Variants in ADAMTS12 observed in about 807,000 individuals in gnomAD.
ADAMTS12 encodes the protein ADAM metallopeptidase with thrombospondin type 1 motif 12, also known as A disintegrin and metalloproteinase with thrombospondin motifs 12.
A neutral mutation model predicts 167.8 loss-of-function variants in ADAMTS12; 118 were observed. The ratio of observed to expected loss-of-function variants is 0.70; its 90% CI spans 0.61 to 0.82. ADAMTS12 has a LOEUF of 0.82. ADAMTS12 is among the 40% of genes least tolerant of loss of function. The probability of loss-of-function intolerance (pLI) is 0.00; values close to 1 mark genes in which losing one functional copy is unlikely to be tolerated. For missense variants in ADAMTS12, 1,916 were observed against 1,998.8 expected, an observed-to-expected ratio of 0.96 and a Z score of 0.79; for synonymous variants, 704 against 716.9, an observed-to-expected ratio of 0.98 and a Z score of 0.29.
chr5:33,865,397 G>A (rs1169061071), intron 2 of ADAMTS12, among the ~76,000 whole-genome samples: 1 of 152,042 alleles, frequency 6.6e-6, no homozygotes, highest in Non-Finnish European at 1.5e-5. Context: ...TACAGAAAAA[G>A]CATTTGATAA....
chr5:33,808,012 G>A lies in ADAMTS12; in HGVS notation c.490-56464C>T, dbSNP rs562403449. Among the ~76,000 whole-genome samples the A allele has an allele frequency of 2.6e-4, 40 of 152,282 alleles. No homozygotes were observed. The South Asian group carries it at 4.6e-3, about 17-fold the overall frequency. On this transcript the variant is annotated intron_variant, in intron 2 of 23. Transcript: ENST00000504830. Reference sequence around the variant, plus strand: ...GAATGCGTGCAGGATGAAGTTAGCAGTAGAGGACACGGTGAAAATGAAGGA... The same window carrying A: ...GAATGCGTGCAGGATGAAGTTAGCAATAGAGGACACGGTGAAAATGAAGGA...
At chr5:33,623,083 AT>A (rs1456856776) in intron 14 of ADAMTS12, among the ~76,000 whole-genome samples, 2 of 152,218 alleles carry the variant, frequency 1.3e-5, no homozygotes, top group Non-Finnish European at 2.9e-5. Flanking sequence ...ACTGAAGAAC[AT>A]ACTTGATCCT....
At chr5:33,648,991 G>A in intron 8 of ADAMTS12, 25 bp from the exon 9 acceptor site, 11 of 1,611,678 alleles carry the variant, frequency 6.8e-6, no homozygotes, top group Non-Finnish European at 9.3e-6. Flanking sequence ...ACAGAAATGA[G>A]AGGAGTTGTT....
chr5:33,641,750 G>T, intron 11 of ADAMTS12, 60 bp downstream of exon 11: 1 of 1,462,906 alleles, frequency 6.8e-7, no homozygotes. Flanking sequence ...ATTCAAGACT[G>T]CCCCCCATCC....
intron 19 of ADAMTS12, among the ~76,000 whole-genome samples, chr5:33,574,190 G>A (rs1436494774): frequency 5.3e-5 from 8 of 151,754 alleles, no homozygotes; most frequent in African/African-American, 9.7e-5. Flanking sequence ...TCAGTGTGGC[G>A]ATTCCTCAGG....
Position 33,891,791 on chromosome 5 carries a change from C to T in ADAMTS12, c.66G>A (p.Gly22=). 6.2e-7 allele frequency: 1 copy of T among 1,614,216 alleles called. No homozygotes were observed. Among genetic ancestry groups the T allele is most frequent in the Non-Finnish European group, 8.5e-7 (1 of 1,180,042 alleles). ...LSVVAQLLNF[G]ALCYGRQPQP... Reference sequence around the variant, plus strand: ...GAGGCTGTCTCCCATAGCAAAGCGCCCCAAAGTTAAGGAGCTGAGCCACCA... The same window carrying T: ...GAGGCTGTCTCCCATAGCAAAGCGCTCCAAAGTTAAGGAGCTGAGCCACCA... Residue 22 remains glycine, a synonymous_variant, in exon 1 of 24, where the codon GGG becomes GGA. Transcript: ENST00000504830.
chr5:33,830,708 T>C (rs1258118913), intron 2 of ADAMTS12, among the ~76,000 whole-genome samples: 1 of 152,064 alleles, frequency 6.6e-6, no homozygotes, highest in Non-Finnish European at 1.5e-5. Flanking sequence ...GGGAGTGCTG[T>C]TTGAGCCCAG....
rs1310971810 is a variant in ADAMTS12 at position 33,699,309 on chromosome 5, A to T, written c.635-15254T>A. 2.0e-5 allele frequency among the ~76,000 whole-genome samples: 3 copies of T among 152,134 alleles called. No homozygotes were observed. The East Asian group carries it at 5.8e-4, about 29-fold the overall frequency. ...ACAAATGTGCAAAGCAATTCAAAGG[A>T]GAAAGGATGGTCTTCTCGACTAAGA... On this transcript the variant is annotated intron_variant, in intron 3 of 23. Coordinates refer to ENST00000504830, the MANE Select transcript of ADAMTS12 (RefSeq NM_030955.4).
chr5:33,664,399 A>C (rs1013334936), intron 5 of ADAMTS12, among the ~76,000 whole-genome samples: 9 of 152,326 alleles, frequency 5.9e-5, no homozygotes, highest in Non-Finnish European at 1.3e-4. Context: ...TGACAAAGGT[A>C]AAAAAGCAAT....
chr5:33,662,077 C>A (rs1228626106), intron 5 of ADAMTS12, 37 bp from the exon 6 acceptor site: 1 of 1,599,156 alleles, frequency 6.3e-7, no homozygotes, highest in East Asian at 2.2e-5. Context: ...CATGGGAGAG[C>A]TCACTGTGGT....
intron 2 of ADAMTS12, among the ~76,000 whole-genome samples, chr5:33,837,201 C>T (rs865784961): frequency 6.6e-6 from 1 of 152,110 alleles, no homozygotes; most frequent in Admixed American, 6.5e-5. Flanking sequence ...GGGCTGGGCC[C>T]GAGTAGGGGA....
At chr5:33,817,037 A>G (rs1311788315) in intron 2 of ADAMTS12, among the ~76,000 whole-genome samples, 1 of 152,176 alleles carries the variant, frequency 6.6e-6, no homozygotes, top group African/African-American at 2.4e-5. Context: ...TCAGTCTATG[A>G]GCTGATCACT....
chr5:33,651,728 T>C (rs1740873682), intron 7 of ADAMTS12, among the ~76,000 whole-genome samples: 1 of 152,192 alleles, frequency 6.6e-6, no homozygotes, highest in South Asian at 2.1e-4. Flanking sequence ...TTTGGGCTTC[T>C]AGTGTACCTA....
intron 3 of ADAMTS12, among the ~76,000 whole-genome samples, chr5:33,727,385 G>A (rs368187619): frequency 3.3e-5 from 5 of 152,316 alleles, no homozygotes; most frequent in East Asian, 3.9e-4. Context: ...CTGCCTCTCC[G>A]ATAGGAGGAA....
intron 16 of ADAMTS12, among the ~76,000 whole-genome samples, chr5:33,598,322 T>A (rs985527585): frequency 1.3e-5 from 2 of 152,240 alleles, no homozygotes; most frequent in Admixed American, 1.3e-4. Context: ...CAAGGGCTTC[T>A]TTCTCAAGTC....
intron 18 of ADAMTS12, among the ~76,000 whole-genome samples, chr5:33,580,808 G>A (rs1328719462): frequency 6.6e-6 from 1 of 152,088 alleles, no homozygotes. Flanking sequence ...ACTTCTCTTG[G>A]AAAAGCTGAT....
intron 2 of ADAMTS12, among the ~76,000 whole-genome samples, chr5:33,816,218 G>A (rs1579960215): frequency 6.6e-6 from 1 of 151,946 alleles, no homozygotes; most frequent in East Asian, 1.9e-4. Flanking sequence ...TAAATTTGTG[G>A]GTATAAAATA....
intron 18 of ADAMTS12, among the ~76,000 whole-genome samples, chr5:33,579,546 C>CA (rs11384335): frequency 0.2 from 30,759 of 152,098 alleles, 3,289 homozygotes; most frequent in South Asian, 0.27. Context: ...TACACTTTTA[C>CA]AAAAAAATTT....
chr5:33,869,645 T>C (rs1749962294), intron 2 of ADAMTS12, among the ~76,000 whole-genome samples: 1 of 152,136 alleles, frequency 6.6e-6, no homozygotes, highest in South Asian at 2.1e-4. Flanking sequence ...GAATAGGGTG[T>C]GGGTCACAGA....
Sources: allele counts gnomAD v4.1 joint callset (sites outside exome capture counted in the v4.1 genomes callset), GRCh38; gene constraint gnomAD v4.1.1; transcripts MANE v1.5; gene names NCBI Gene and HGNC (gene_info 2026-07-23, HGNC 2026-07-21).